CFAP299: variants seen among roughly 807,000 people sequenced by gnomAD.
CFAP299 encodes the protein cilia and flagella associated protein 299.
A neutral mutation model predicts 27.0 loss-of-function variants in CFAP299; 21 were observed. The observed-to-expected ratio is 0.78, with a 90% CI of 0.55 to 1.12. CFAP299 has a LOEUF of 1.12. Among genes scored for constraint, CFAP299 ranks in the 50% most tolerant of loss-of-function variants. CFAP299 has a pLI of 0.00. For missense variants in CFAP299, 310 were observed against 276.6 expected (o/e 1.12, Z -0.86); for synonymous variants, 104 against 98.1 (o/e 1.06, Z -0.36).
chr4:80,398,533 C>G (rs1440790911), intron 2 of CFAP299, among the ~76,000 whole-genome samples: 1 of 152,116 alleles, frequency 6.6e-6, no homozygotes, highest in African/African-American at 2.4e-5. Context: ...AGAAATAATA[C>G]CACACATCTA....
chr4:80,950,503 A>G (rs958747371), intron 5 of CFAP299, among the ~76,000 whole-genome samples: 1 of 152,128 alleles, frequency 6.6e-6, no homozygotes, highest in Non-Finnish European at 1.5e-5. Flanking sequence ...AATGAAAGAG[A>G]TAGCATTTGA....
chr4:80,894,493 A>T (rs192550316), intron 4 of CFAP299, among the ~76,000 whole-genome samples: 1 of 152,182 alleles, frequency 6.6e-6, no homozygotes, highest in East Asian at 1.9e-4. Flanking sequence ...AGTGTGAGGC[A>T]CAGCTTAGCC....
At chr4:80,535,494 CAAAAAAAAAAAA>C (rs143122836) in intron 2 of CFAP299, among the ~76,000 whole-genome samples, 1,781 of 33,186 alleles carry the variant, frequency 0.054, 97 homozygotes, top group Non-Finnish European at 0.11. Context: ...GACTCCGTCT[CAAAAAAAAAAAA>C]AAAAAAAAAA....
At chr4:80,377,650 C>G (rs1265702548) in intron 2 of CFAP299, among the ~76,000 whole-genome samples, 3 of 152,026 alleles carry the variant, frequency 2.0e-5, no homozygotes, top group South Asian at 4.2e-4. Context: ...TACAAATAAG[C>G]CTGCTGGGAT....
intron 3 of CFAP299, among the ~76,000 whole-genome samples, chr4:80,861,732 A>G (rs193076717): frequency 6.6e-6 from 1 of 152,296 alleles, no homozygotes; most frequent in Admixed American, 6.5e-5. Context: ...TTTACACAAA[A>G]TATTTTGCAA....
chr4:80,406,797 C>A (rs1160276199), intron 2 of CFAP299, among the ~76,000 whole-genome samples: 1 of 152,144 alleles, frequency 6.6e-6, no homozygotes, highest in Non-Finnish European at 1.5e-5. Context: ...TGTGTTAAAG[C>A]TATTGATAGG....
intron 3 of CFAP299, among the ~76,000 whole-genome samples, chr4:80,859,709 C>A (rs1371889346): frequency 6.6e-6 from 1 of 152,130 alleles, no homozygotes; most frequent in Non-Finnish European, 1.5e-5. Flanking sequence ...GTTGAAAATT[C>A]TTTTCTTTAA....
intron 3 of CFAP299, among the ~76,000 whole-genome samples, chr4:80,784,515 TTTTC>T (rs571913678): frequency 2.0e-4 from 30 of 152,134 alleles, no homozygotes; most frequent in African/African-American, 6.3e-4. Flanking sequence ...CTTTTTTTTC[TTTTC>T]TTTCTTTCTT....
chr4:80,735,325 A>G (rs1012147447), intron 3 of CFAP299, among the ~76,000 whole-genome samples: 2 of 152,196 alleles, frequency 1.3e-5, no homozygotes, highest in African/African-American at 4.8e-5. Flanking sequence ...ATTACTTCTA[A>G]TAGTTTTTTT....
intron 2 of CFAP299, among the ~76,000 whole-genome samples, chr4:80,522,653 C>T (rs1472952900): frequency 1.3e-5 from 2 of 152,056 alleles, no homozygotes; most frequent in African/African-American, 4.8e-5. Context: ...TGTCTTTAAT[C>T]TATCTTGATA....
At chr4:80,887,067 A>G in intron 4 of CFAP299, among the ~76,000 whole-genome samples, 1 of 152,174 alleles carries the variant, frequency 6.6e-6, no homozygotes, top group Admixed American at 6.5e-5. Context: ...ACAATGAAGC[A>G]TACCCATGGA....
chr4:80,609,235 C>G (rs1052736436), intron 3 of CFAP299, among the ~76,000 whole-genome samples: 1 of 151,910 alleles, frequency 6.6e-6, no homozygotes, highest in Non-Finnish European at 1.5e-5. Context: ...AGGAATATTG[C>G]CTTGTGTGTA....
chr4:80,349,235 G>C (rs1183155378), intron 1 of CFAP299, among the ~76,000 whole-genome samples: 2 of 152,170 alleles, frequency 1.3e-5, no homozygotes, highest in African/African-American at 4.8e-5. Context: ...CAATATTGCT[G>C]CTCCTTCACT....
chr4:80,954,284 CA>C (rs1430601276), intron 5 of CFAP299, among the ~76,000 whole-genome samples: 1 of 152,126 alleles, frequency 6.6e-6, no homozygotes, highest in African/African-American at 2.4e-5. Context: ...TCCTGGGTCT[CA>C]ACAGTTGAAC....
chr4:80,511,831 CCTCTT>C (rs1283394406), intron 2 of CFAP299, among the ~76,000 whole-genome samples: 1 of 151,896 alleles, frequency 6.6e-6, no homozygotes, highest in Non-Finnish European at 1.5e-5. Context: ...AATAACAGGC[CCTCTT>C]CTCTTTAAAG....
chr4:80,899,026 T>G (rs1734751618), intron 4 of CFAP299, among the ~76,000 whole-genome samples: 1 of 152,224 alleles, frequency 6.6e-6, no homozygotes, highest in South Asian at 2.1e-4. Context: ...AACAGCAAGA[T>G]GTCTGGAGCC....
intron 3 of CFAP299, among the ~76,000 whole-genome samples, chr4:80,662,436 G>T (rs1207407609): frequency 6.6e-6 from 1 of 151,258 alleles, no homozygotes; most frequent in Non-Finnish European, 1.5e-5. Flanking sequence ...GTGTTGATGG[G>T]TTAGGAAGTC....
Position 80,387,949 on chromosome 4 carries a change from G to C in CFAP299, c.242+25065G>C, listed in dbSNP as rs943832795. The C allele has an allele frequency of 1.5e-5, 12 of 802,866 alleles. No individual in the cohort carries two copies. The Admixed American group carries it at 2.3e-4, about 15-fold the overall frequency. The allele number at this position is 802,866 out of a possible 1,614,324, so 49.7% of individuals were successfully genotyped here. On this transcript the variant is annotated intron_variant, in intron 2 of 5. Coordinates refer to ENST00000358105, the MANE Select transcript of CFAP299 (RefSeq NM_152770.3). ...GCAGGGTTTGGTCCTTTGGGTGTTTGCCAGGGCTGTACACTGTGGGGGTGG... is the reference window on the plus strand; with the variant it reads ...GCAGGGTTTGGTCCTTTGGGTGTTTCCCAGGGCTGTACACTGTGGGGGTGG...
intron 4 of CFAP299, among the ~76,000 whole-genome samples, chr4:80,932,524 A>T (rs1736672541): frequency 6.6e-6 from 1 of 152,204 alleles, no homozygotes. Flanking sequence ...AATAGAAAAA[A>T]GAACATGAAT....
Sources: allele counts gnomAD v4.1 joint callset (sites outside exome capture counted in the v4.1 genomes callset), GRCh38; gene constraint gnomAD v4.1.1; transcripts MANE v1.5; gene names NCBI Gene and HGNC (gene_info 2026-07-23, HGNC 2026-07-21).